The following CTDP1 variants were observed in gnomAD, a reference collection of about 807,000 sequenced individuals.
The protein encoded by CTDP1 is RNA polymerase II subunit A C-terminal domain phosphatase.
Under a neutral mutation model 91.8 loss-of-function variants are expected in CTDP1, and 47 were observed. That is an observed-to-expected ratio of 0.51 (90% CI 0.41 to 0.65). The LOEUF is 0.65. CTDP1 is among the 30% of genes least tolerant of loss of function. CTDP1 has a pLI of 0.00. For synonymous variants in CTDP1, 656 were observed against 598.5 expected (o/e 1.10, Z -1.40); for missense variants, 1,272 against 1,373.7 (o/e 0.93, Z 1.17).
intron 3 of CTDP1, among the ~76,000 whole-genome samples, chr18:79,696,537 G>A (rs1326524548): frequency 2.6e-5 from 4 of 152,260 alleles, no homozygotes; most frequent in East Asian, 3.9e-4. Flanking sequence ...GCGGGGGGAC[G>A]TGGTTGGTAG....
In CTDP1 at chr18:79,713,428, T is replaced by G. The variant is rs532338810; in HGVS notation, c.1030+290T>G. Among the ~76,000 whole-genome samples the G allele has an allele frequency of 2.0e-5, 3 of 152,298 alleles. No individual in the cohort carries two copies. The highest frequency in any genetic ancestry group is 4.8e-5 in the African/African-American group (2 of 41,564). The stretch of plus-strand genomic sequence containing the variant: ...ATCCGAATAACTCCCTTCATCCCAG[T>G]TTTCCTTAAACACATCCCTGGGTAT... On this transcript the variant is annotated intron_variant, in intron 7 of 12. Transcript: ENST00000613122. The surrounding 1 kb of genome is among the most constrained non-coding windows in gnomAD (Gnocchi z 4.7).
intron 11 of CTDP1, among the ~76,000 whole-genome samples, chr18:79,730,099 C>T (rs564727527): frequency 1.1e-4 from 16 of 152,340 alleles, no homozygotes; most frequent in African/African-American, 1.7e-4. Context: ...CACCTTTAGA[C>T]GCCAGTTTAT....
downstream of CTDP1, chr18:79,755,866 G>C (rs1415391060): frequency 6.6e-6 from 1 of 152,658 alleles, no homozygotes; most frequent in African/African-American, 2.4e-5. Flanking sequence ...TGGCGTGGTA[G>C]CTGGCTGCGC....
chr18:79,705,481 G>A (rs532173196), intron 5 of CTDP1, among the ~76,000 whole-genome samples: 51 of 152,158 alleles, frequency 3.4e-4, no homozygotes, highest in Non-Finnish European at 5.4e-4. Context: ...GATGGTGACC[G>A]TCTGTCCTTC....
chr18:79,742,110 AGGTGG>A (rs1294401868), intron 12 of CTDP1, among the ~76,000 whole-genome samples: 116 of 10,142 alleles, frequency 0.011, 2 homozygotes, highest in African/African-American at 0.017. Flanking sequence ...AGGAGGCATG[AGGTGG>A]AGGCCTGGGG....
chr18:79,694,573 C>T (rs1479070126), intron 1 of CTDP1, among the ~76,000 whole-genome samples: 2 of 143,998 alleles, frequency 1.4e-5, no homozygotes, highest in African/African-American at 2.6e-5. Context: ...GCGCTGAGTG[C>T]TGGGTGGTCT....
Position 79,717,686 on chromosome 18 carries a change from C to T in CTDP1, c.2210+10C>T, listed in dbSNP as rs201479377. The T allele has an allele frequency of 4.3e-5, 70 of 1,613,882 alleles. No individual in the cohort carries two copies. The East Asian group carries it at 9.4e-4, about 22-fold the overall frequency. Reference sequence around the variant, plus strand: ...ACACCAAGGCACAGAGGTGGGTCCTCGCTGCACCCAGCAGGTCCGTGCCAG... The same window carrying T: ...ACACCAAGGCACAGAGGTGGGTCCTTGCTGCACCCAGCAGGTCCGTGCCAG... On this transcript the variant is annotated intron_variant, in intron 9 of 12. Transcript: ENST00000613122.
At chr18:79,704,710 G>T (rs1465600403) in intron 4 of CTDP1, 57 bp from the exon 5 acceptor site, 4 of 1,606,726 alleles carry the variant, frequency 2.5e-6, no homozygotes, top group Non-Finnish European at 3.4e-6. Context: ...ACAGGTTGCG[G>T]GGGCGGCCGG....
At position 79,728,975 on chromosome 18, in the gene CTDP1, C is replaced by T. The variant is rs780480469; in HGVS notation, c.2486C>T (p.Pro829Leu). Reference protein sequence around the residue: ...ELPDAQDGEQPGPSRRKRQPS... With the variant: ...ELPDAQDGEQLGPSRRKRQPS... Reference sequence around the variant, plus strand: ...CCTGACGCTCAGGACGGAGAGCAGCCTGGCCCTTCTAGAAGAAAGCGACAG... The same window carrying T: ...CCTGACGCTCAGGACGGAGAGCAGCTTGGCCCTTCTAGAAGAAAGCGACAG... Residue 829 changes from proline to leucine, a missense_variant, in exon 11 of 13, where the codon CCT becomes CTT. By Grantham distance (98) the Pro-to-Leu change is moderately conservative. Around this residue, in one of 3 missense-constraint regions of CTDP1, gnomAD observed 881 missense variants for 911.6 expected, o/e 0.97. Coordinates refer to ENST00000613122, the MANE Select transcript of CTDP1 (RefSeq NM_004715.5). 5.6e-6 allele frequency: 9 copies of T among 1,614,204 alleles called. No homozygotes were observed. In the East Asian group the frequency reaches 2.0e-4, roughly 36 times the overall value.
At chr18:79,751,488 G>A (rs189569500) in intron 12 of CTDP1, among the ~76,000 whole-genome samples, 3 of 152,300 alleles carry the variant, frequency 2.0e-5, no homozygotes, top group East Asian at 1.9e-4. Context: ...TTCTCTGAAC[G>A]AGCTTGTCGT....
intron 10 of CTDP1, among the ~76,000 whole-genome samples, chr18:79,727,913 G>A (rs977310894): frequency 1.3e-5 from 2 of 152,142 alleles, no homozygotes; most frequent in Admixed American, 1.3e-4. Flanking sequence ...GCATGCATCA[G>A]AATATATTAA....
chr18:79,751,359 A>G (rs200309076), intron 12 of CTDP1, among the ~76,000 whole-genome samples: 1 of 145,424 alleles, frequency 6.9e-6, no homozygotes, highest in African/African-American at 2.5e-5. Flanking sequence ...GGAGGGAAGG[A>G]GGGAGCGGGG....
upstream of CTDP1, chr18:79,679,413 G>A (rs149124761): frequency 3.9e-3 from 1,778 of 456,140 alleles, 14 homozygotes; most frequent in Middle Eastern, 0.019. Flanking sequence ...TGGGAGTGGA[G>A]GAGAGCGGCT....
chr18:79,710,686 A>ATTTTTTT (rs11306504), intron 6 of CTDP1, among the ~76,000 whole-genome samples: 7 of 88,506 alleles, frequency 7.9e-5, no homozygotes, highest in East Asian at 3.5e-4. Flanking sequence ...TCGCCCGGCA[A>ATTTTTTT]TTTTTTTTTT....
chr18:79,734,504 A>G (rs1257292667), intron 11 of CTDP1, among the ~76,000 whole-genome samples: 2 of 152,152 alleles, frequency 1.3e-5, no homozygotes, highest in Non-Finnish European at 2.9e-5. Flanking sequence ...TCTTCCAGAT[A>G]GCAGCACGGG....
At chr18:79,709,601 G>A (rs919511083) in intron 5 of CTDP1, among the ~76,000 whole-genome samples, 6 of 152,356 alleles carry the variant, frequency 3.9e-5, no homozygotes, top group Non-Finnish European at 5.9e-5. Context: ...GTCATGTGAA[G>A]TGCAAGTGTC....
intron 8 of CTDP1, among the ~76,000 whole-genome samples, chr18:79,715,740 A>G (rs2086193870): frequency 6.6e-6 from 1 of 152,208 alleles, no homozygotes; most frequent in Admixed American, 6.5e-5. Flanking sequence ...CACACCATTC[A>G]GGGGTGGGAG....
At chr18:79,707,412 A>G (rs1239963932) in intron 5 of CTDP1, among the ~76,000 whole-genome samples, 3 of 152,226 alleles carry the variant, frequency 2.0e-5, no homozygotes, top group Non-Finnish European at 2.9e-5. Flanking sequence ...TAGACAGCAG[A>G]GCAGGGAGCC....
At chr18:79,718,044 A>G (rs953585193) in intron 10 of CTDP1, 28 bp downstream of exon 10, 2 of 1,610,782 alleles carry the variant, frequency 1.2e-6, no homozygotes. Flanking sequence ...CACTGTCCCC[A>G]GCTAATGAGG....
Sources: gnomAD v4.1 joint callset for allele counts (sites outside exome capture counted in the v4.1 genomes callset) on GRCh38, gnomAD v4.1.1 for gene constraint, gnomAD v4.1.1 regional missense constraint, Gnocchi (gnomAD v3.1) non-coding constraint, MANE v1.5 for transcripts, NCBI Gene and HGNC (gene_info 2026-07-23, HGNC 2026-07-21) for gene names.